LRG1: variants seen among roughly 807,000 people sequenced by gnomAD.
LRG1 encodes the protein leucine rich alpha-2-glycoprotein 1, also known as leucine-rich alpha-2-glycoprotein.
Under a neutral mutation model 2.4 loss-of-function variants are expected in LRG1, and 1 was observed. The observed-to-expected ratio is 0.41, with a 90% CI of 0.15 to 1.95. The LOEUF is 1.95. Ranked by LOEUF, LRG1 falls within the 30% of genes most tolerant of loss-of-function variation. The probability of loss-of-function intolerance (pLI) is 0.30; values close to 1 mark genes in which losing one functional copy is unlikely to be tolerated. For missense variants in LRG1, 425 were observed against 436.9 expected (o/e 0.97, Z 0.24); for synonymous variants, 226 against 210.6 (o/e 1.07, Z -0.63).
Position 4,538,843 on chromosome 19 carries a change from G to A in LRG1, c.141C>T (p.Arg47=), listed in dbSNP as rs759241237. 4 of 1,579,710 alleles carry A rather than the reference G, an allele frequency of 2.5e-6. No individual in the cohort carries two copies. Among genetic ancestry groups the A allele is most frequent in the African/African-American group, 1.3e-5 (1 of 74,198 alleles). Reference sequence around the variant, plus strand: ...AGGAGATGGAGCTGCCATGGTCTGAGCGGAACACCTGGCAGTCTTTGGGGC... The same window carrying A: ...AGGAGATGGAGCTGCCATGGTCTGAACGGAACACCTGGCAGTCTTTGGGGC... ...TLSPKDCQVF[R]SDHGSSISCQ... Residue 47 remains arginine (R), a synonymous_variant, in exon 2 of 2, where the codon CGC becomes CGT. Coordinates refer to ENST00000306390, the MANE Select transcript of LRG1 (RefSeq NM_052972.3).
chr19:4,539,356 G>A (rs748157930), intron 1 of LRG1, among the ~76,000 whole-genome samples: 1 of 152,140 alleles, frequency 6.6e-6, no homozygotes, highest in East Asian at 1.9e-4. Flanking sequence ...GTTTTGATGT[G>A]AACTCCTATT....
chr19:4,538,122 A>C lies in LRG1; in HGVS notation c.862T>G (p.Trp288Gly). ...ATGTCGAAGCCATCCCGCATGTCCC[A>C]GTTTGGCTGCCCTAGGGATGCCCAG... ...GLWASLGQPNWDMRDGFDISG... is the reference protein window; with the variant it reads ...GLWASLGQPNGDMRDGFDISG... Residue 288 changes from tryptophan to glycine, a missense_variant, in exon 2 of 2, where the codon TGG becomes GGG. Physicochemically the swap from Trp to Gly is radical, Grantham distance 184. Coordinates refer to ENST00000306390, the MANE Select transcript of LRG1 (RefSeq NM_052972.3). 1 of 1,614,154 alleles carries C rather than the reference A, an allele frequency of 6.2e-7. No individual in the cohort carries two copies. The highest frequency in any genetic ancestry group is 8.5e-7 in the Non-Finnish European group (1 of 1,180,032).
Position 4,538,845 on chromosome 19 carries a change from G to C in LRG1, c.139C>G (p.Arg47Gly), listed in dbSNP as rs115346350. Residue 47 changes from arginine to glycine, a missense_variant, in exon 2 of 2, where the codon CGC becomes GGC. By Grantham distance (125) the Arg-to-Gly change is moderately radical. Coordinates refer to ENST00000306390, the MANE Select transcript of LRG1 (RefSeq NM_052972.3). ...GAGATGGAGCTGCCATGGTCTGAGCGGAACACCTGGCAGTCTTTGGGGCTC... is the reference window on the plus strand; with the variant it reads ...GAGATGGAGCTGCCATGGTCTGAGCCGAACACCTGGCAGTCTTTGGGGCTC... ...TLSPKDCQVFRSDHGSSISCQ... is the reference protein window; with the variant it reads ...TLSPKDCQVFGSDHGSSISCQ... 6.3e-7 allele frequency: 1 copy of C among 1,576,520 alleles called. No individual in the cohort carries two copies. The highest frequency in any genetic ancestry group is 1.1e-5 in the South Asian group (1 of 87,382).
Position 4,537,954 on chromosome 19 carries a change from C to G in LRG1, c.1030G>C (p.Ala344Pro), listed in dbSNP as rs546759628. ...AVKGQTLLAV[A>P]KSQ is the part of the protein sequence containing the mutation. The stretch of plus-strand genomic sequence containing the variant: ...AGCCCCTGGTCTCACTGGGACTTGG[C>G]CACTGCCAGGAGCGTCTGGCCCTTC... The change falls in exon 2 of 2, where the codon GCC (alanine) becomes CCC (proline). Residue 344 changes from alanine (A) to proline (P), a missense_variant. Physicochemically the swap from Ala to Pro is conservative, Grantham distance 27 (BLOSUM62 -1). Transcript: ENST00000306390. The G allele has an allele frequency of 4.3e-6, 7 of 1,610,042 alleles. No homozygotes were observed. The highest frequency in any genetic ancestry group is 3.3e-5 in the South Asian group (3 of 90,902).
rs767655478 is a variant in LRG1 at position 4,538,289 on chromosome 19, A to G, written c.695T>C (p.Leu232Pro). ...NKLQVLGKDL[L>P]LPQPDLRYLF... is the part of the protein sequence containing the mutation. ...GTAGCGCAGGTCCGGCTGCGGCAAG[A>G]GGAGATCTTTTCCCAGTACTTGCAA... is the stretch of plus-strand genomic sequence containing the variant. Residue 232 changes from leucine (L) to proline (P), a missense_variant, in exon 2 of 2, where the codon CTC becomes CCC. Coordinates refer to ENST00000306390, the MANE Select transcript of LRG1 (RefSeq NM_052972.3). 1 of 1,613,772 alleles carries G rather than the reference A, an allele frequency of 6.2e-7. No homozygotes were observed. The highest frequency in any genetic ancestry group is 1.3e-5 in the African/African-American group (1 of 74,884).
chr19:4,537,616 A>G lies in LRG1; in HGVS notation c.*324T>C, dbSNP rs377227239. The G allele has an allele frequency of 6.2e-6, 2 of 324,716 alleles. No individual in the cohort carries two copies. The allele number at this position is 324,716 out of a possible 1,614,324, so 20.1% of individuals were successfully genotyped here. ...ACAGTCTTGCTCTGTCGCCCAGGCTAGAGTGCAGTGGCACGATCTTGGCTC... is the reference window on the plus strand; with the variant it reads ...ACAGTCTTGCTCTGTCGCCCAGGCTGGAGTGCAGTGGCACGATCTTGGCTC... On this transcript the variant is annotated 3_prime_UTR_variant, in exon 2 of 2. Transcript: ENST00000306390.
rs1976993925 is a variant in LRG1, at chr19:4,540,029, T to C, written c.-16A>G. The C allele has an allele frequency of 2.5e-6, 4 of 1,614,064 alleles. No homozygotes were observed. In the African/African-American group the frequency reaches 4.0e-5, roughly 16 times the overall value. ...AAGAGGACATGGTAGCTCTGCTCTT[T>C]TGCTTCTGGGTTGTCCTGGCCTGCG... On this transcript the variant is annotated 5_prime_UTR_variant, in exon 1 of 2. Transcript: ENST00000306390.
intron 1 of LRG1, 97 bp from the exon 2 acceptor site, chr19:4,539,048 C>T: frequency 8.1e-7 from 1 of 1,232,404 alleles, no homozygotes; most frequent in Non-Finnish European, 1.1e-6. Flanking sequence ...CTTCCCATCT[C>T]TGCGGCTACC....
Position 4,538,326 on chromosome 19 carries a change from C to T in LRG1, c.658G>A (p.Glu220Lys), listed in dbSNP as rs768110156. The change falls in exon 2 of 2, where the codon GAA becomes AAA. Residue 220 changes from glutamate (E) to lysine (K), a missense_variant. Coordinates refer to ENST00000306390, the MANE Select transcript of LRG1 (RefSeq NM_052972.3). Reference sequence around the variant, plus strand: ...CCCAGTACTTGCAATTTGTTGCCTTCTAGATGTAGCCGTTCTAATTGCAGC... The same window carrying T: ...CCCAGTACTTGCAATTTGTTGCCTTTTAGATGTAGCCGTTCTAATTGCAGC... ...GPLQLERLHL[E>K]GNKLQVLGKD... 1 of 1,614,228 alleles carries T rather than the reference C, an allele frequency of 6.2e-7. No individual in the cohort carries two copies. Among genetic ancestry groups the T allele is most frequent in the East Asian group, 2.2e-5 (1 of 44,876 alleles).
At position 4,537,931 on chromosome 19, in the gene LRG1, C is replaced by A. The variant is rs113966212; in HGVS notation, c.*9G>T. The A allele has an allele frequency of 3.0e-5, 48 of 1,603,456 alleles. No homozygotes were observed. In the African/African-American group the frequency reaches 5.2e-4, roughly 17 times the overall value. ...CCAGACCCCCCACCCTCAACCCAAG[C>A]CCCTGGTCTCACTGGGACTTGGCCA... On this transcript the variant is annotated 3_prime_UTR_variant, in exon 2 of 2. Coordinates refer to ENST00000306390, the MANE Select transcript of LRG1 (RefSeq NM_052972.3).
At position 4,538,798 on chromosome 19, in the gene LRG1, G is replaced by C; in HGVS notation, c.186C>G (p.Ile62Met). ...SSISCQPPAEIPGYLPADTVH... is the reference protein window; with the variant it reads ...SSISCQPPAEMPGYLPADTVH... ...CGGTGTCGGCTGGCAGGTAGCCGGG[G>C]ATTTCGGCAGGTGGTTGACAGGAGA... Residue 62 changes from isoleucine (I) to methionine (M), a missense_variant, in exon 2 of 2, where the codon ATC (isoleucine) becomes ATG (methionine). Ile to Met is a conservative substitution (Grantham distance 10, BLOSUM62 1). Coordinates refer to ENST00000306390, the MANE Select transcript of LRG1 (RefSeq NM_052972.3). 6.2e-7 allele frequency: 1 copy of C among 1,604,332 alleles called. No homozygotes were observed. The highest frequency in any genetic ancestry group is 8.5e-7 in the Non-Finnish European group (1 of 1,172,646).
rs1485399924 is a variant in LRG1, at chr19:4,536,868, C to G, written c.*1072G>C. 1 of 123,942 alleles carries G rather than the reference C, an allele frequency of 8.1e-6. No individual in the cohort carries two copies. Among genetic ancestry groups the G allele is most frequent in the Non-Finnish European group, 1.7e-5 (1 of 59,296 alleles). 7.7% of individuals were successfully genotyped at this position (123,942 alleles called of 1,614,324 possible). ...CCCCATCCTGCCCCTGCAACCTTGC[C>G]CGGGGGCAGGTGCCCCCTTCGATGA... On this transcript the variant is annotated 3_prime_UTR_variant, in exon 2 of 2. Transcript: ENST00000306390.
chr19:4,538,860 C>G lies in LRG1; in HGVS notation c.124G>C (p.Asp42His). ...SAWGVTLSPKDCQVFRSDHGS... is the reference protein window; with the variant it reads ...SAWGVTLSPKHCQVFRSDHGS... ...TGGTCTGAGCGGAACACCTGGCAGT[C>G]TTTGGGGCTCAGGGTGACCCCCCAG... is the stretch of plus-strand genomic sequence containing the variant. Residue 42 changes from aspartate (D) to histidine (H), a missense_variant, in exon 2 of 2, where the codon GAC becomes CAC. Asp to His is a moderately conservative substitution (Grantham distance 81). Transcript: ENST00000306390. The G allele has an allele frequency of 6.4e-7, 1 of 1,557,758 alleles. No homozygotes were observed. Among genetic ancestry groups the G allele is most frequent in the Non-Finnish European group, 8.7e-7 (1 of 1,146,726 alleles).
At chr19:4,539,922 C>T (rs1976992643) in intron 1 of LRG1, 60 bp downstream of exon 1, 1 of 1,601,458 alleles carries the variant, frequency 6.2e-7, no homozygotes, top group African/African-American at 1.3e-5. Flanking sequence ...CTGGAATGTC[C>T]TGTATCTCCG....
chr19:4,538,688 A>C lies in LRG1; in HGVS notation c.296T>G (p.Leu99Arg). Reference protein sequence around the residue: ...QGASKLQELHLSSNGLESLSP... With the variant: ...QGASKLQELHRSSNGLESLSP... The stretch of plus-strand genomic sequence containing the variant: ...GAGGCTTTCCAGCCCATTGCTGGAG[A>C]GGTGCAATTCTTGGAGCTTAGAGGC... Residue 99 changes from leucine (L) to arginine (R), a missense_variant, in exon 2 of 2, where the codon CTC (leucine) becomes CGC (arginine). Coordinates refer to ENST00000306390, the MANE Select transcript of LRG1 (RefSeq NM_052972.3). The C allele has an allele frequency of 6.2e-7, 1 of 1,612,360 alleles. No homozygotes were observed. The highest frequency in any genetic ancestry group is 8.5e-7 in the Non-Finnish European group (1 of 1,178,558).
rs761077474 is a variant in LRG1, at chr19:4,538,849, C to T, written c.135G>A (p.Val45=). ...GVTLSPKDCQ[V]FRSDHGSSIS... The stretch of plus-strand genomic sequence containing the variant: ...TGGAGCTGCCATGGTCTGAGCGGAA[C>T]ACCTGGCAGTCTTTGGGGCTCAGGG... Residue 45 remains valine (V), a synonymous_variant, in exon 2 of 2, where the codon GTG becomes GTA. Transcript: ENST00000306390. The T allele has an allele frequency of 3.2e-6, 5 of 1,570,854 alleles. No individual in the cohort carries two copies. Among genetic ancestry groups the T allele is most frequent in the African/African-American group, 1.4e-5 (1 of 73,936 alleles).
chr19:4,538,984 C>T, intron 1 of LRG1, 33 bp from the exon 2 acceptor site: 1 of 1,485,278 alleles, frequency 6.7e-7, no homozygotes, highest in Non-Finnish European at 9.0e-7. Flanking sequence ...CTTACTAAAC[C>T]ACAGTGAAAA....
Position 4,537,957 on chromosome 19 carries a change from C to T in LRG1, c.1027G>A (p.Val343Met), listed in dbSNP as rs1409103036. The change falls in exon 2 of 2, where the codon GTG becomes ATG. Residue 343 changes from valine to methionine, a missense_variant. Val to Met is a conservative substitution (Grantham distance 21). Coordinates refer to ENST00000306390, the MANE Select transcript of LRG1 (RefSeq NM_052972.3). ...EAVKGQTLLA[V>M]AKSQ ...CCCTGGTCTCACTGGGACTTGGCCA[C>T]TGCCAGGAGCGTCTGGCCCTTCACG... 6.2e-7 allele frequency: 1 copy of T among 1,610,960 alleles called. No homozygotes were observed.
rs958609206 is a variant in LRG1 at position 4,537,859 on chromosome 19, A to G, written c.*81T>C. 13 of 1,485,172 alleles carry G rather than the reference A, an allele frequency of 8.8e-6. No individual in the cohort carries two copies. Among genetic ancestry groups the G allele is most frequent in the Middle Eastern group, 2.5e-4 (1 of 4,076 alleles). The allele number at this position is 1,485,172 out of a possible 1,614,324, so 92.0% of individuals were successfully genotyped here. A position where few individuals can be genotyped will look rare whatever the true frequency, so the allele number is the denominator to read the frequency against. On this transcript the variant is annotated 3_prime_UTR_variant, in exon 2 of 2. Coordinates refer to ENST00000306390, the MANE Select transcript of LRG1 (RefSeq NM_052972.3). ...TGGGATTACAGGCGTGAGCCCCCGC[A>G]CCCGGCCAAAGGCAGGATTATTTGT...
Sources: gnomAD v4.1 joint callset for allele counts (sites outside exome capture counted in the v4.1 genomes callset) on GRCh38, gnomAD v4.1.1 for gene constraint, MANE v1.5 for transcripts, NCBI Gene and HGNC (gene_info 2026-07-23, HGNC 2026-07-21) for gene names.